Variants in OIT3 observed in about 807,000 individuals in gnomAD.
OIT3 encodes oncoprotein induced transcript 3.
In OIT3, 41 loss-of-function variants were observed where a neutral mutation model predicts 52.2. The observed-to-expected ratio is 0.79, with a 90% CI of 0.61 to 1.02. The LOEUF is 1.02. Ranked by LOEUF, OIT3 falls within the 50% of genes least tolerant of loss-of-function variation. The pLI, the probability that OIT3 is intolerant of heterozygous loss-of-function variation, is 0.00. For missense variants in OIT3, 634 were observed against 715.5 expected (o/e 0.89, Z 1.30); for synonymous variants, 244 against 276.9 (o/e 0.88, Z 1.18).
chr10:72,900,286 C>T, intron 2 of OIT3, 91 bp from the exon 3 acceptor site: 1 of 687,172 alleles, frequency 1.5e-6, no homozygotes, highest in Non-Finnish European at 2.5e-6. Flanking sequence ...GGGATACCAC[C>T]CCCCCCGACC....
At chr10:72,916,580 G>A (rs1416680741) in intron 6 of OIT3, among the ~76,000 whole-genome samples, 1 of 152,106 alleles carries the variant, frequency 6.6e-6, no homozygotes, top group African/African-American at 2.4e-5. Context: ...ATCATTGATG[G>A]CATTTAGGTT....
At chr10:72,911,923 G>A in intron 5 of OIT3, 84 bp downstream of exon 5, 4 of 1,285,290 alleles carry the variant, frequency 3.1e-6, no homozygotes, top group Non-Finnish European at 4.3e-6. Flanking sequence ...TCCCCCAAGT[G>A]TGTCAGGGTT....
intron 6 of OIT3, among the ~76,000 whole-genome samples, chr10:72,921,272 A>G (rs1383944232): frequency 2.6e-5 from 4 of 152,106 alleles, no homozygotes; most frequent in Non-Finnish European, 5.9e-5. Flanking sequence ...CATGTGCTTG[A>G]TAAGTTGTCC....
intron 4 of OIT3, among the ~76,000 whole-genome samples, chr10:72,908,708 C>T (rs1846002007): frequency 6.6e-6 from 1 of 151,932 alleles, no homozygotes; most frequent in Admixed American, 6.6e-5. Context: ...TTTATGAGTA[C>T]TTTATTGGAA....
chr10:72,921,232 G>A (rs1339594910), intron 6 of OIT3, among the ~76,000 whole-genome samples: 1 of 152,128 alleles, frequency 6.6e-6, no homozygotes, highest in Non-Finnish European at 1.5e-5. Context: ...TTGGAAGCTA[G>A]GATTGCAACT....
chr10:72,916,216 G>C (rs1236964051), intron 6 of OIT3, among the ~76,000 whole-genome samples: 1 of 152,072 alleles, frequency 6.6e-6, no homozygotes, highest in Non-Finnish European at 1.5e-5. Context: ...GTGCAGGTTT[G>C]TTACATATGT....
At chr10:72,918,607 G>T in intron 6 of OIT3, 3 of 741,698 alleles carry the variant, frequency 4.0e-6, no homozygotes, top group Non-Finnish European at 7.2e-6. Flanking sequence ...GAGAACAGCC[G>T]CACAGGACAG....
intron 2 of OIT3, 52 bp from the exon 3 acceptor site, chr10:72,900,325 G>T: frequency 6.2e-6 from 5 of 802,056 alleles, no homozygotes; most frequent in Non-Finnish European, 1.0e-5. Context: ...AAGAATGAAA[G>T]AGTGTCTTCT....
At chr10:72,917,633 T>A in intron 6 of OIT3, 1 of 841,700 alleles carries the variant, frequency 1.2e-6, no homozygotes, top group Non-Finnish European at 2.0e-6. Context: ...TTAAACTATT[T>A]TCTTAAAGAG....
At chr10:72,931,255 C>T (rs1167728795) in intron 8 of OIT3, among the ~76,000 whole-genome samples, 1 of 152,080 alleles carries the variant, frequency 6.6e-6, no homozygotes, top group Admixed American at 6.6e-5. Flanking sequence ...CAAAACAAAA[C>T]AGAGGCAGGA....
chr10:72,925,343 C>CAGGA (rs905791001), intron 7 of OIT3, among the ~76,000 whole-genome samples: 7 of 152,134 alleles, frequency 4.6e-5, no homozygotes, highest in Non-Finnish European at 7.3e-5. Flanking sequence ...CAATTAGACT[C>CAGGA]AGGAACACAG....
chr10:72,928,978 G>A (rs182153382), intron 7 of OIT3, among the ~76,000 whole-genome samples: 19 of 152,162 alleles, frequency 1.2e-4, no homozygotes, highest in African/African-American at 2.7e-4. Context: ...AGGCCGAGGC[G>A]GAAGGATCGC....
intron 6 of OIT3, among the ~76,000 whole-genome samples, chr10:72,917,198 C>G (rs1238901593): frequency 6.6e-6 from 1 of 152,086 alleles, no homozygotes; most frequent in Non-Finnish European, 1.5e-5. Flanking sequence ...GCTTTTATTG[C>G]AATTGCTTTT....
In OIT3 at chr10:72,931,902, T is replaced by C. The variant is rs117796594; in HGVS notation, c.1468-452T>C. 5.9e-5 allele frequency among the ~76,000 whole-genome samples: 9 copies of C among 152,316 alleles called. No individual in the cohort carries two copies. In the East Asian group the frequency reaches 1.7e-3, roughly 29 times the overall value. On this transcript the variant is annotated intron_variant, in intron 8 of 8. Transcript: ENST00000334011. ...TGCTAACAATGATGGCTGATCCTGA[T>C]TGCCCTCAATCAGGCAGGAAGCTCA...
At chr10:72,899,813 T>C (rs1255825207) in intron 2 of OIT3, among the ~76,000 whole-genome samples, 1 of 152,088 alleles carries the variant, frequency 6.6e-6, no homozygotes, top group Non-Finnish European at 1.5e-5. Flanking sequence ...TGTCCACTGA[T>C]TTTTTTAAGT....
In OIT3 at chr10:72,924,570, C is replaced by G; in HGVS notation, c.1293C>G (p.Ser431Arg). The G allele has an allele frequency of 1.2e-6, 2 of 1,614,168 alleles. No individual in the cohort carries two copies. The highest frequency in any genetic ancestry group is 1.1e-5 in the South Asian group (1 of 91,086). ...TGGTGCACGTGAGCGGCTTGGAAAG[C>G]TTGGTGGAGAGCTGCTTTGCCACCC... ...EPVVHVSGLE[S>R]LVESCFATPT... Residue 431 changes from serine to arginine, a missense_variant, in exon 7 of 9, where the codon AGC becomes AGG. Ser to Arg is a moderately radical substitution (Grantham distance 110, BLOSUM62 -1). Coordinates refer to ENST00000334011, the MANE Select transcript of OIT3 (RefSeq NM_152635.3).
rs141036537 is a variant in OIT3, at chr10:72,928,825, G to A, written c.1368-1713G>A. Among the ~76,000 whole-genome samples the A allele has an allele frequency of 1.0e-3, 155 of 152,272 alleles. 2 individuals are homozygous for A. In the East Asian group the frequency reaches 0.024, roughly 23 times the overall value. On this transcript the variant is annotated intron_variant, in intron 7 of 8. Coordinates refer to ENST00000334011, the MANE Select transcript of OIT3 (RefSeq NM_152635.3). ...TTCAGTTCAGTGGAATGAGGTGCTG[G>A]TAGTAACACTAGTCAAGATGCCTTA...
At chr10:72,931,596 T>A (rs1846216957) in intron 8 of OIT3, among the ~76,000 whole-genome samples, 1 of 152,140 alleles carries the variant, frequency 6.6e-6, no homozygotes, top group Non-Finnish European at 1.5e-5. Context: ...CAAGCAGGGC[T>A]AAGGGCCACA....
intron 8 of OIT3, among the ~76,000 whole-genome samples, chr10:72,930,848 T>C (rs951244788): frequency 1.3e-5 from 2 of 151,980 alleles, no homozygotes; most frequent in African/African-American, 2.4e-5. Flanking sequence ...GTTCCCCTCA[T>C]ACCACCTGCC....
Sources: gnomAD v4.1 joint callset for allele counts (sites outside exome capture counted in the v4.1 genomes callset) on GRCh38, gnomAD v4.1.1 for gene constraint, MANE v1.5 for transcripts, NCBI Gene and HGNC (gene_info 2026-07-23, HGNC 2026-07-21) for gene names.